The following MIB1 variants were observed in gnomAD, a reference collection of about 807,000 sequenced individuals.
MIB1 encodes the protein E3 ubiquitin-protein ligase MIB1.
In MIB1, 278 loss-of-function variants were observed where a neutral mutation model predicts 124.5. That is an observed-to-expected ratio of 2.23 (90% CI 2.02 to 2.47). The LOEUF (loss-of-function observed/expected upper bound fraction) is 2.47. Ranked by LOEUF, MIB1 falls within the 30% of genes most tolerant of loss-of-function variation. The pLI, the probability that MIB1 is intolerant of heterozygous loss-of-function variation, is 0.00. For missense variants in MIB1, 957 were observed against 1,254.4 expected, an observed-to-expected ratio of 0.76 and a Z score of 3.58; for synonymous variants, 446 against 429.4, an observed-to-expected ratio of 1.04 and a Z score of -0.48.
At position 21,819,540 on chromosome 18, in the gene MIB1, C is replaced by T. The variant is rs763226912; in HGVS notation, c.1723C>T (p.Arg575Cys). Reference sequence around the variant, plus strand: ...TCTTCATGATGCAATAAGTAAGAAACGTGATGATATCCTAGCAGTTCTTTT... The same window carrying T: ...TCTTCATGATGCAATAAGTAAGAAATGTGATGATATCCTAGCAGTTCTTTT... ...TPLHDAISKK[R>C]DDILAVLLEA... Residue 575 changes from arginine to cysteine, a missense_variant, in exon 12 of 21, where the codon CGT becomes TGT. Coordinates refer to ENST00000261537, the MANE Select transcript of MIB1 (RefSeq NM_020774.4). 9 of 1,610,128 alleles carry T rather than the reference C, an allele frequency of 5.6e-6. No homozygotes were observed. Among genetic ancestry groups the T allele is most frequent in the South Asian group, 3.3e-5 (3 of 90,570 alleles).
intron 1 of MIB1, among the ~76,000 whole-genome samples, chr18:21,764,328 C>T (rs1396693236): frequency 6.6e-6 from 1 of 151,994 alleles, no homozygotes; most frequent in Admixed American, 6.6e-5. Context: ...ACAGGCATAC[C>T]ACTCAGGTTT....
intron 13 of MIB1, among the ~76,000 whole-genome samples, chr18:21,839,094 A>G (rs754538705): frequency 5.8e-4 from 88 of 152,344 alleles, no homozygotes; most frequent in Non-Finnish European, 1.0e-3. Flanking sequence ...GTGCAAGCAT[A>G]AACCATATAG....
At chr18:21,793,672 T>C (rs1013944657) in intron 7 of MIB1, among the ~76,000 whole-genome samples, 12 of 148,504 alleles carry the variant, frequency 8.1e-5, no homozygotes, top group African/African-American at 2.7e-4. Context: ...TCCCAGGTAC[T>C]TGGGAGACTG....
intron 18 of MIB1, among the ~76,000 whole-genome samples, chr18:21,853,974 C>T (rs777708907): frequency 2.4e-5 from 3 of 125,868 alleles, no homozygotes; most frequent in African/African-American, 5.9e-5. Context: ...AAGTGATTCT[C>T]GTGTCCTCCG....
At chr18:21,796,517 A>T (rs2041583012) in intron 7 of MIB1, among the ~76,000 whole-genome samples, 1 of 152,188 alleles carries the variant, frequency 6.6e-6, no homozygotes, top group African/African-American at 2.4e-5. Context: ...TAGCTATGTA[A>T]CAAACCTGCA....
intron 15 of MIB1, among the ~76,000 whole-genome samples, chr18:21,846,348 A>G (rs2042134324): frequency 6.6e-6 from 1 of 152,212 alleles, no homozygotes; most frequent in Non-Finnish European, 1.5e-5. Flanking sequence ...AAGATCATGG[A>G]AAGTGTGTAA....
At chr18:21,844,979 A>G (rs116307342) in intron 15 of MIB1, among the ~76,000 whole-genome samples, 250 of 148,878 alleles carry the variant, frequency 1.7e-3, no homozygotes, top group African/African-American at 6.0e-3. Flanking sequence ...GAATGCACAT[A>G]TTTTCTCCCA....
At chr18:21,736,403 G>T (rs1211728559), upstream of MIB1, among the ~76,000 whole-genome samples, 2 of 152,194 alleles carry the variant, frequency 1.3e-5, no homozygotes, top group African/African-American at 2.4e-5. Context: ...TCACAGAGAT[G>T]GGGAGAAACC....
In MIB1 at chr18:21,857,359, A is replaced by G. The variant is rs1394963100; in HGVS notation, c.2779+116A>G. The G allele has an allele frequency of 4.4e-6, 3 of 683,092 alleles. No homozygotes were observed. The African/African-American group carries it at 5.3e-5, about 12-fold the overall frequency. The allele number at this position is 683,092 out of a possible 1,614,324, so 42.3% of individuals were successfully genotyped here. ...ATAAAACCTAAGATGTCTGACTTGG[A>G]TCCACAGTGGAACAGGTATTGTTTT... is the stretch of plus-strand genomic sequence containing the variant. On this transcript the variant is annotated intron_variant, in intron 19 of 20. Transcript: ENST00000261537.
intron 20 of MIB1, among the ~76,000 whole-genome samples, chr18:21,862,851 A>G (rs559713915): frequency 2.0e-5 from 3 of 152,228 alleles, no homozygotes; most frequent in Admixed American, 6.5e-5. Flanking sequence ...ACCCTGCACC[A>G]TGTATTGCAT....
intron 1 of MIB1, among the ~76,000 whole-genome samples, chr18:21,708,642 G>C (rs1168000873): frequency 6.6e-6 from 1 of 152,126 alleles, no homozygotes; most frequent in African/African-American, 2.4e-5. Context: ...GGGCGACAGA[G>C]GGAAACTGCC....
chr18:21,798,232 T>C lies in MIB1; in HGVS notation c.1237+4T>C, dbSNP rs1348731786. On this transcript the variant is annotated splice_donor_region_variant and intron_variant, in intron 8 of 20. Transcript: ENST00000261537. ...GCCATTAGCAATGCATCTGGTGGTA[T>C]GTTTTATATTGTGTTTCTTTAAGAG... 1 of 1,612,398 alleles carries C rather than the reference T, an allele frequency of 6.2e-7. No individual in the cohort carries two copies. The highest frequency in any genetic ancestry group is 1.3e-5 in the African/African-American group (1 of 74,872).
chr18:21,721,159 GTTTTTTTTTTTTTTT>G (rs34277676), intron 1 of MIB1, among the ~76,000 whole-genome samples: 90 of 29,744 alleles, frequency 3.0e-3, no homozygotes, highest in South Asian at 9.1e-3. Flanking sequence ...TTTTAAAGAA[GTTTTTTTTTTTTTTT>G]TTTTTTTTTT....
upstream of MIB1, among the ~76,000 whole-genome samples, chr18:21,740,106 G>T (rs749816301): frequency 3.9e-5 from 6 of 152,264 alleles, no homozygotes; most frequent in Admixed American, 6.5e-5. Flanking sequence ...CATGCTAACG[G>T]TGCCAACAGT....
Position 21,870,565 on chromosome 18 carries a change from A to G in MIB1, c.*5899A>G, listed in dbSNP as rs2042347850. On this transcript the variant is annotated 3_prime_UTR_variant, in exon 21 of 21. Transcript: ENST00000261537. ...TTATTCCTCTTCACAACTCAGATGT[A>G]GATTTCATTTTCAAGAGGTAGATAT... The G allele has an allele frequency of 6.6e-6, 1 of 152,220 alleles. No individual in the cohort carries two copies. Among genetic ancestry groups the G allele is most frequent in the Non-Finnish European group, 1.5e-5 (1 of 68,032 alleles). 9.4% of individuals were successfully genotyped at this position (152,220 alleles called of 1,614,324 possible). A position where few individuals can be genotyped will look rare whatever the true frequency, so the allele number is the denominator to read the frequency against.
chr18:21,787,214 G>GA (rs2041446145), intron 6 of MIB1, among the ~76,000 whole-genome samples: 1 of 152,128 alleles, frequency 6.6e-6, no homozygotes, highest in Non-Finnish European at 1.5e-5. Context: ...TGTTCATCCT[G>GA]AATTGGGCGG....
At position 21,834,146 on chromosome 18, in the gene MIB1, AG is replaced by A. The variant is rs2042006715; in HGVS notation, c.1830-4218del. On this transcript the variant is annotated intron_variant, in intron 12 of 20. Transcript: ENST00000261537. ...CTTGTGGTTATAGTGTGTCTTCCTAAGATTGCCTGCCTCATGGAAAGAAAGG... is the reference window on the plus strand; with the variant it reads ...CTTGTGGTTATAGTGTGTCTTCCTAAATTGCCTGCCTCATGGAAAGAAAGG... Among the ~76,000 whole-genome samples the A allele has an allele frequency of 2.0e-5, 3 of 152,256 alleles. No homozygotes were observed. The South Asian group carries it at 6.2e-4, about 32-fold the overall frequency.
At chr18:21,829,585 C>G (rs1434205542) in intron 12 of MIB1, 2 of 151,754 alleles carry the variant, frequency 1.3e-5, no homozygotes, top group African/African-American at 4.8e-5. Flanking sequence ...GGAGAAAAAC[C>G]AGGATGAGTG....
intron 1 of MIB1, among the ~76,000 whole-genome samples, chr18:21,724,427 G>A (rs201287427): frequency 4.6e-5 from 7 of 151,880 alleles, no homozygotes; most frequent in Non-Finnish European, 8.8e-5. Flanking sequence ...AGAGTCAGCC[G>A]GGTGTGGTGG....
Sources: allele counts gnomAD v4.1 joint callset (sites outside exome capture counted in the v4.1 genomes callset), GRCh38; gene constraint gnomAD v4.1.1; transcripts MANE v1.5; gene names NCBI Gene and HGNC (gene_info 2026-07-23, HGNC 2026-07-21).